SPICE1: variants seen among roughly 807,000 people sequenced by gnomAD.
The protein encoded by SPICE1 is spindle and centriole associated protein 1, also known as spindle and centriole-associated protein 1.
SPICE1 carries 75 observed loss-of-function variants against 102.7 expected under a neutral mutation model. The observed-to-expected ratio is 0.73, with a 90% CI of 0.61 to 0.88. The LOEUF (loss-of-function observed/expected upper bound fraction) is 0.88, where lower values mean the gene tolerates loss of function less well. Among genes scored for constraint, SPICE1 ranks in the 40% least tolerant of loss-of-function variants. The pLI is 0.00. For missense variants in SPICE1, 979 were observed against 1,020.1 expected (o/e 0.96, Z 0.55); for synonymous variants, 308 against 350.3 (o/e 0.88, Z 1.35).
intron 6 of SPICE1, among the ~76,000 whole-genome samples, chr3:113,491,503 T>C (rs527639915): frequency 1.3e-5 from 2 of 151,674 alleles, no homozygotes; most frequent in South Asian, 4.2e-4. Flanking sequence ...CAGGCGCCTG[T>C]AGTCCCAGCT....
chr3:113,472,799 CA>C (rs1217687713), intron 7 of SPICE1, among the ~76,000 whole-genome samples: 1 of 152,146 alleles, frequency 6.6e-6, no homozygotes, highest in African/African-American at 2.4e-5. Context: ...TCACCAAAAG[CA>C]AAGACCAAAA....
At chr3:113,459,594 G>C in intron 12 of SPICE1, 2 of 985,306 alleles carry the variant, frequency 2.0e-6, no homozygotes, top group Non-Finnish European at 2.4e-6. Flanking sequence ...GATATTAATA[G>C]CAAGACTTGC....
chr3:113,476,869 G>T (rs1013499740), intron 7 of SPICE1, among the ~76,000 whole-genome samples: 1 of 151,740 alleles, frequency 6.6e-6, no homozygotes, highest in African/African-American at 2.4e-5. Flanking sequence ...CAGGACATAG[G>T]CATGGGCAAG....
chr3:113,477,684 G>A (rs1395131643), intron 7 of SPICE1, among the ~76,000 whole-genome samples: 1 of 150,462 alleles, frequency 6.6e-6, no homozygotes, highest in Non-Finnish European at 1.5e-5. Context: ...ACTATTGCAA[G>A]GACAAAAAAC....
chr3:113,468,214 C>G lies in SPICE1; in HGVS notation c.1080G>C (p.Gln360His), dbSNP rs766119203. ...RWTGREVKGL[Q>H]SSQGLTGFTL... ...TGAAGCCTGTAAGACCCTGACTGCT[C>G]TGCAGACCCTTGACCTCGCGACCTG... The change falls in exon 10 of 18, where the codon CAG (glutamine) becomes CAC (histidine). Residue 360 changes from glutamine (Q) to histidine (H), a missense_variant. Physicochemically the swap from Gln to His is conservative, Grantham distance 24. Coordinates refer to ENST00000295872, the MANE Select transcript of SPICE1 (RefSeq NM_144718.4). The G allele has an allele frequency of 6.2e-7, 1 of 1,614,198 alleles. No homozygotes were observed. Among genetic ancestry groups the G allele is most frequent in the South Asian group, 1.1e-5 (1 of 91,090 alleles).
Position 113,460,760 on chromosome 3 carries a change from CT to C in SPICE1, c.1291del (p.Arg431AspfsTer13). 6.3e-7 allele frequency: 1 copy of C among 1,595,330 alleles called. No homozygotes were observed. On this transcript the variant is annotated frameshift_variant, in exon 12 of 18. Transcript: ENST00000295872. LOFTEE classifies it high-confidence loss of function. ...LREENAATQA[R>X]LQQYMVTTDE... ...TGTTGTGACCATGTACTGCTGAAGT[CT>C]TGCCTGGGGAGGAAAACATATGAAA...
At chr3:113,487,117 A>G (rs1028969828) in intron 7 of SPICE1, among the ~76,000 whole-genome samples, 14 of 152,064 alleles carry the variant, frequency 9.2e-5, no homozygotes, top group African/African-American at 2.9e-4. Context: ...GAATACAATA[A>G]CCTTTTAGAA....
intron 1 of SPICE1, among the ~76,000 whole-genome samples, chr3:113,513,811 A>G (rs1559980532): frequency 6.6e-6 from 1 of 152,174 alleles, no homozygotes; most frequent in Non-Finnish European, 1.5e-5. Flanking sequence ...TCATCCATCT[A>G]TTAATGTAAC....
chr3:113,456,111 C>A (rs1185130023), intron 13 of SPICE1, among the ~76,000 whole-genome samples: 1 of 152,192 alleles, frequency 6.6e-6, no homozygotes, highest in East Asian at 1.9e-4. Flanking sequence ...ACCATTGCAC[C>A]ATACTGATCT....
At chr3:113,467,564 G>A (rs1379341084) in intron 10 of SPICE1, among the ~76,000 whole-genome samples, 1 of 152,238 alleles carries the variant, frequency 6.6e-6, no homozygotes. Flanking sequence ...AAAGGGCTGG[G>A]ATTATAGGTT....
At chr3:113,502,036 G>A (rs1937017498) in intron 3 of SPICE1, among the ~76,000 whole-genome samples, 1 of 152,154 alleles carries the variant, frequency 6.6e-6, no homozygotes, top group African/African-American at 2.4e-5. Flanking sequence ...TAAATAAAAT[G>A]GTAGATCCAT....
chr3:113,469,735 C>T (rs1936152607), intron 7 of SPICE1, among the ~76,000 whole-genome samples: 1 of 152,066 alleles, frequency 6.6e-6, no homozygotes, highest in Admixed American at 6.6e-5. Flanking sequence ...TAGAAAGAAT[C>T]ATTCCATCTG....
intron 7 of SPICE1, among the ~76,000 whole-genome samples, chr3:113,477,420 G>C (rs1936379430): frequency 6.6e-6 from 1 of 151,604 alleles, no homozygotes; most frequent in Non-Finnish European, 1.5e-5. Context: ...ATTTGACCCA[G>C]CCATCCCATT....
chr3:113,471,967 C>T (rs981352428), intron 7 of SPICE1, among the ~76,000 whole-genome samples: 4 of 152,232 alleles, frequency 2.6e-5, no homozygotes, highest in African/African-American at 9.6e-5. Flanking sequence ...GCACCGTGCG[C>T]GAGCCGAAGC....
At position 113,450,329 on chromosome 3, in the gene SPICE1, G is replaced by T; in HGVS notation, c.2323+7C>A. 1.2e-6 allele frequency: 2 copies of T among 1,613,772 alleles called. No homozygotes were observed. Among genetic ancestry groups the T allele is most frequent in the Non-Finnish European group, 1.7e-6 (2 of 1,179,816 alleles). ...TCTAGTTTTTAAATCATGAATTTGT[G>T]ACCAACCAGTCCATGCTCTGAGAGG... On this transcript the variant is annotated splice_region_variant and intron_variant, in intron 15 of 17. Transcript: ENST00000295872.
chr3:113,514,214 G>A (rs191505290), intron 1 of SPICE1, among the ~76,000 whole-genome samples: 34 of 152,296 alleles, frequency 2.2e-4, no homozygotes, highest in African/African-American at 6.7e-4. Context: ...AGTCTTGTGA[G>A]CCACAGCAAT....
At chr3:113,500,557 T>A (rs951454300) in intron 3 of SPICE1, among the ~76,000 whole-genome samples, 4 of 151,976 alleles carry the variant, frequency 2.6e-5, no homozygotes, top group Admixed American at 2.0e-4. Flanking sequence ...GCAAACTGAA[T>A]ATGTAAGCAC....
At chr3:113,493,409 T>C in intron 5 of SPICE1, 97 bp from the exon 6 acceptor site, 1 of 916,924 alleles carries the variant, frequency 1.1e-6, no homozygotes, top group South Asian at 1.4e-5. Flanking sequence ...CATATGAAAA[T>C]CTTAAACAGC....
chr3:113,508,676 G>A (rs1459164756), intron 1 of SPICE1, among the ~76,000 whole-genome samples: 5 of 152,180 alleles, frequency 3.3e-5, no homozygotes, highest in Non-Finnish European at 7.4e-5. Context: ...AAAATAGTGT[G>A]GGCACTTTGG....
Sources: gnomAD v4.1 joint callset for allele counts (sites outside exome capture counted in the v4.1 genomes callset) on GRCh38, gnomAD v4.1.1 for gene constraint, MANE v1.5 for transcripts, NCBI Gene and HGNC (gene_info 2026-07-23, HGNC 2026-07-21) for gene names.